SLC11A2: variants seen among roughly 807,000 people sequenced by gnomAD.
The protein encoded by SLC11A2 is solute carrier family 11 member 2, also known as natural resistance-associated macrophage protein 2.
A neutral mutation model predicts 68.0 loss-of-function variants in SLC11A2; 38 were observed. That is an observed-to-expected ratio of 0.56 (90% CI 0.43 to 0.73). The LOEUF (loss-of-function observed/expected upper bound fraction) is 0.73. Among genes scored for constraint, SLC11A2 ranks in the 30% least tolerant of loss-of-function variants. The pLI is 0.00. For synonymous variants in SLC11A2, 242 were observed against 250.6 expected, an observed-to-expected ratio of 0.97 and a Z score of 0.32; for missense variants, 517 against 690.5, an observed-to-expected ratio of 0.75 and a Z score of 2.82.
the SLC11A2 span, among the ~76,000 whole-genome samples, chr12:50,953,008 T>C: frequency 6.6e-6 from 1 of 152,138 alleles, no homozygotes; most frequent in Non-Finnish European, 1.5e-5. Context: ...TTTTTCTTAA[T>C]GTTGGCTTCA....
At chr12:50,977,945 T>A (rs1025059299), downstream of SLC11A2, among the ~76,000 whole-genome samples, 4 of 152,262 alleles carry the variant, frequency 2.6e-5, no homozygotes, top group Admixed American at 6.5e-5. Context: ...CACAATGAGA[T>A]ACCATCTCAC....
At chr12:51,014,812 C>T (rs1943502599) in intron 1 of SLC11A2, among the ~76,000 whole-genome samples, 1 of 152,082 alleles carries the variant, frequency 6.6e-6, no homozygotes, top group Admixed American at 6.6e-5. Flanking sequence ...GAGATCATGC[C>T]ACTGAACTCC....
the SLC11A2 span, chr12:50,961,174 G>C: frequency 7.0e-7 from 1 of 1,435,936 alleles, no homozygotes; most frequent in Non-Finnish European, 9.6e-7. Flanking sequence ...TTCATTCATA[G>C]TAGAAGATGA....
intron 9 of SLC11A2, 35 bp from the exon 10 acceptor site, chr12:50,995,822 A>C: frequency 6.2e-7 from 1 of 1,602,124 alleles, no homozygotes; most frequent in Non-Finnish European, 8.6e-7. Flanking sequence ...CTTTTTGACC[A>C]GTTAGAACAA....
chr12:50,957,154 C>T, the SLC11A2 span, among the ~76,000 whole-genome samples: 1 of 151,970 alleles, frequency 6.6e-6, no homozygotes, highest in Non-Finnish European at 1.5e-5. Context: ...CCCATAGACA[C>T]ACATATGCCA....
At chr12:50,989,168 C>T (rs1287433820) in intron 15 of SLC11A2, among the ~76,000 whole-genome samples, 1 of 152,086 alleles carries the variant, frequency 6.6e-6, no homozygotes, top group Non-Finnish European at 1.5e-5. Context: ...AACAGTAACC[C>T]ACTCTAGAAT....
Position 50,988,342 on chromosome 12 carries a change from G to C in SLC11A2, c.1669C>G (p.Arg557Gly), listed in dbSNP as rs779810392. The C allele has an allele frequency of 5.0e-6, 8 of 1,613,998 alleles. No individual in the cohort carries two copies. The highest frequency in any genetic ancestry group is 6.8e-6 in the Non-Finnish European group (8 of 1,179,894). The change falls in exon 16 of 16, where the codon CGT becomes GGT. Residue 557 changes from arginine (R) to glycine (G), a missense_variant. By Grantham distance (125) the Arg-to-Gly change is moderately radical. Transcript: ENST00000262052. ...SKGLLTEEAT[R>G]GYVK ...ATCCAGTGTTATTTAACGTAGCCAC[G>C]GGTGGCTTCTTCTGTCAGCAGGCCT...
At chr12:50,960,471 T>C in the SLC11A2 span, among the ~76,000 whole-genome samples, 1 of 152,216 alleles carries the variant, frequency 6.6e-6, no homozygotes, top group South Asian at 2.1e-4. Flanking sequence ...ATGGTTCTAA[T>C]TTTTCTGGGA....
Position 51,005,371 on chromosome 12 carries a change from G to C in SLC11A2, c.249C>G (p.Ala83=). Residue 83 remains alanine, a synonymous_variant, in exon 4 of 16, where the codon GCC becomes GCG. Transcript: ENST00000262052. ...FTGPGFLMSI[A]YLDPGNIESD... is the part of the protein sequence containing the mutation. The stretch of plus-strand genomic sequence containing the variant: ...ATTCAATATTTCCTGGATCCAGGTA[G>C]GCAATGCTCATAAGAAAACCTGGTC... The C allele has an allele frequency of 6.2e-7, 1 of 1,613,972 alleles. No individual in the cohort carries two copies. Among genetic ancestry groups the C allele is most frequent in the Non-Finnish European group, 8.5e-7 (1 of 1,179,910 alleles).
chr12:50,994,400 T>C (rs1341651669), intron 11 of SLC11A2, 144 bp downstream of exon 11: 1 of 688,810 alleles, frequency 1.5e-6, no homozygotes, highest in East Asian at 2.8e-5. Flanking sequence ...TAATCCAAAA[T>C]GCTTGTCTGG....
upstream of SLC11A2, chr12:51,028,172 C>CG: frequency 6.5e-7 from 1 of 1,530,468 alleles, no homozygotes; most frequent in East Asian, 2.4e-5. Context: ...CCCTGGGCTA[C>CG]TTACTTAGTT....
intron 5 of SLC11A2, among the ~76,000 whole-genome samples, chr12:51,000,829 T>C (rs1384152864): frequency 2.0e-5 from 3 of 152,118 alleles, no homozygotes; most frequent in Non-Finnish European, 4.4e-5. Flanking sequence ...CAGAAGAACA[T>C]ATCTATCCTG....
intron 3 of SLC11A2, chr12:51,005,840 T>G (rs1210001821): frequency 2.3e-6 from 1 of 440,762 alleles, no homozygotes; most frequent in Non-Finnish European, 3.9e-6. Context: ...AAAATAAAAT[T>G]CTAAGCTCCC....
intron 1 of SLC11A2, among the ~76,000 whole-genome samples, chr12:51,025,356 A>G (rs1488329656): frequency 6.6e-6 from 1 of 152,236 alleles, no homozygotes; most frequent in Non-Finnish European, 1.5e-5. Context: ...TGTAAGACTG[A>G]TATTATCAAT....
chr12:51,007,900 C>T (rs1942864320), intron 3 of SLC11A2, among the ~76,000 whole-genome samples: 1 of 152,192 alleles, frequency 6.6e-6, no homozygotes, highest in Admixed American at 6.5e-5. Flanking sequence ...CTTAGCCTCC[C>T]AAAGTGCTGG....
chr12:50,999,114 T>TAA (rs1011713779), intron 8 of SLC11A2, 60 bp downstream of exon 8: 355 of 1,025,212 alleles, frequency 3.5e-4, no homozygotes, highest in Non-Finnish European at 4.3e-4. Flanking sequence ...AATAAAAGGC[T>TAA]AAAAAAAAAA....
intron 2 of SLC11A2, chr12:51,009,423 A>G (rs12366756): frequency 0.14 from 50,778 of 369,238 alleles, 4,029 homozygotes; most frequent in South Asian, 0.23. Context: ...AGAAATACAC[A>G]GAGCCTAGTT....
downstream of SLC11A2, among the ~76,000 whole-genome samples, chr12:50,982,671 C>T (rs1182160813): frequency 6.6e-6 from 1 of 152,000 alleles, no homozygotes; most frequent in Non-Finnish European, 1.5e-5. Context: ...CGACTGGGCA[C>T]GGTGTCTCAT....
Position 50,986,239 on chromosome 12 carries a change from C to A in SLC11A2, c.*2086G>T. The A allele has an allele frequency of 7.8e-7, 1 of 1,284,254 alleles. No individual in the cohort carries two copies. The highest frequency in any genetic ancestry group is 1.0e-6 in the Non-Finnish European group (1 of 985,978). The allele number at this position is 1,284,254 out of a possible 1,614,324, so 79.6% of individuals were successfully genotyped here. A position where few individuals can be genotyped will look rare whatever the true frequency, so the allele number is the denominator to read the frequency against. On this transcript the variant is annotated 3_prime_UTR_variant, in exon 16 of 16. Transcript: ENST00000262052. ...TATCCTTAAACATTCCACATAAACA[C>A]ACTGTCAAAACTCACTGGATATGCT...
Sources: gnomAD v4.1 joint callset for allele counts (sites outside exome capture counted in the v4.1 genomes callset) on GRCh38, gnomAD v4.1.1 for gene constraint, MANE v1.5 for transcripts, NCBI Gene and HGNC (gene_info 2026-07-23, HGNC 2026-07-21) for gene names.